Variants in RALY observed in about 807,000 individuals in gnomAD.
RALY encodes the protein RNA-binding protein Raly.
A neutral mutation model predicts 30.7 loss-of-function variants in RALY; 15 were observed. The ratio of observed to expected loss-of-function variants is 0.49; its 90% CI spans 0.33 to 0.75. The LOEUF is 0.75. Ranked by LOEUF, RALY falls within the 30% of genes least tolerant of loss-of-function variation. The pLI, the probability that RALY is intolerant of heterozygous loss-of-function variation, is 0.02. For missense variants in RALY, 339 were observed against 414.3 expected (o/e 0.82, Z 1.58); for synonymous variants, 177 against 170.8 (o/e 1.04, Z -0.28).
intron 2 of RALY, among the ~76,000 whole-genome samples, chr20:34,050,036 T>G (rs2123169244): frequency 6.6e-6 from 1 of 152,346 alleles, no homozygotes. Flanking sequence ...TAAGATCATG[T>G]GCGCCCGTGC....
At chr20:34,056,590 G>A (rs2284386) in intron 2 of RALY, among the ~76,000 whole-genome samples, 96,717 of 152,092 alleles carry the variant, frequency 0.64, 31,682 homozygotes, top group South Asian at 0.85. Context: ...AATCTTTTTA[G>A]CATGTTATTC....
chr20:34,029,659 T>TCTG (rs1434780285), intron 1 of RALY, among the ~76,000 whole-genome samples: 1 of 152,170 alleles, frequency 6.6e-6, no homozygotes, highest in Non-Finnish European at 1.5e-5. Context: ...TATGCCATTC[T>TCTG]CTGAATCATG....
intron 2 of RALY, among the ~76,000 whole-genome samples, chr20:34,054,200 C>T (rs986732885): frequency 9.9e-5 from 15 of 152,196 alleles, no homozygotes; most frequent in Non-Finnish European, 1.8e-4. Flanking sequence ...TACTGAAAAA[C>T]GCCCACCTAG....
rs1282114188 is a variant in RALY at position 34,081,736 on chromosome 20, A to C, written c.*1831A>C. 1 of 152,246 alleles carries C rather than the reference A, an allele frequency of 6.6e-6. No individual in the cohort carries two copies. Among genetic ancestry groups the C allele is most frequent in the Non-Finnish European group, 1.5e-5 (1 of 68,068 alleles). The allele number at this position is 152,246 out of a possible 1,614,324, so 9.4% of individuals were successfully genotyped here. A position where few individuals can be genotyped will look rare whatever the true frequency, so the allele number is the denominator to read the frequency against. On this transcript the variant is annotated 3_prime_UTR_variant, in exon 10 of 10. Coordinates refer to ENST00000246194, the MANE Select transcript of RALY (RefSeq NM_016732.3). Reference sequence around the variant, plus strand: ...GGGCAGGCGAGCACTCTGAGGCCCCAGTGTAGCTCTGTGCTTTGATATTCC... The same window carrying C: ...GGGCAGGCGAGCACTCTGAGGCCCCCGTGTAGCTCTGTGCTTTGATATTCC...
At chr20:34,079,645 A>ATTTT (rs1285998565) in intron 9 of RALY, among the ~76,000 whole-genome samples, 1 of 152,056 alleles carries the variant, frequency 6.6e-6, no homozygotes, top group African/African-American at 2.4e-5. Context: ...ATCCTGCTAC[A>ATTTT]CCCCTTTGTG....
chr20:34,055,453 G>T (rs575226305), intron 2 of RALY, among the ~76,000 whole-genome samples: 14 of 152,186 alleles, frequency 9.2e-5, no homozygotes, highest in Non-Finnish European at 2.1e-4. Context: ...GGAAGCAGGG[G>T]TGGGGCATGG....
intron 2 of RALY, among the ~76,000 whole-genome samples, chr20:34,065,787 C>T (rs868116352): frequency 6.6e-6 from 1 of 152,232 alleles, no homozygotes; most frequent in South Asian, 2.1e-4. Context: ...GAGCTGGCCA[C>T]AGGCTGCTGT....
intron 8 of RALY, 60 bp from the exon 9 acceptor site, chr20:34,078,445 G>A (rs2033955115): frequency 6.8e-7 from 1 of 1,468,070 alleles, no homozygotes; most frequent in African/African-American, 1.4e-5. Flanking sequence ...AAATGGCTCA[G>A]GGCAGGACTC....
chr20:34,047,926 C>T (rs375979596), intron 2 of RALY, among the ~76,000 whole-genome samples: 1 of 152,272 alleles, frequency 6.6e-6, no homozygotes, highest in East Asian at 1.9e-4. Context: ...CAGAAATACC[C>T]TGGACCCTTG....
chr20:34,067,969 T>C (rs1203737429), intron 2 of RALY, among the ~76,000 whole-genome samples: 1 of 152,154 alleles, frequency 6.6e-6, no homozygotes, highest in East Asian at 1.9e-4. Flanking sequence ...TGCTACTCAC[T>C]AGCTGTAGCA....
intron 3 of RALY, among the ~76,000 whole-genome samples, chr20:34,073,179 A>G (rs530300891): frequency 2.6e-5 from 4 of 152,028 alleles, no homozygotes; most frequent in African/African-American, 7.2e-5. Flanking sequence ...TTACCTGGAT[A>G]TGTGAATGTA....
chr20:34,075,343 C>T (rs1411229208), intron 5 of RALY, among the ~76,000 whole-genome samples: 1 of 152,068 alleles, frequency 6.6e-6, no homozygotes, highest in Non-Finnish European at 1.5e-5. Flanking sequence ...GTGTTTTTAA[C>T]CGAATTCTTT....
At chr20:34,060,574 C>A (rs1328384207) in intron 2 of RALY, among the ~76,000 whole-genome samples, 1 of 152,196 alleles carries the variant, frequency 6.6e-6, no homozygotes, top group East Asian at 1.9e-4. Flanking sequence ...CTATTTCCAT[C>A]TTACAGGTAA....
chr20:34,063,175 A>G (rs1456196868), intron 2 of RALY, among the ~76,000 whole-genome samples: 1 of 152,138 alleles, frequency 6.6e-6, no homozygotes, highest in East Asian at 1.9e-4. Context: ...TCACTATCTC[A>G]TAGCAGAAGG....
At position 34,055,615 on chromosome 20, in the gene RALY, GGA is replaced by G. The variant is rs1279232475; in HGVS notation, c.-9-16446_-9-16445del. ...CCAGGAATTCACAGTCAGTCTGGGA[GGA>G]GAGATGACACTGAAACAGAGTATTT... On this transcript the variant is annotated intron_variant, in intron 2 of 9. Coordinates refer to ENST00000246194, the MANE Select transcript of RALY (RefSeq NM_016732.3). Among the ~76,000 whole-genome samples, 108 of 152,308 alleles carry G rather than the reference GGA, an allele frequency of 7.1e-4. 1 individual carries two copies. The highest frequency in any genetic ancestry group is 2.3e-3 in the African/African-American group (94 of 41,566).
intron 2 of RALY, among the ~76,000 whole-genome samples, chr20:34,062,160 TG>T (rs2033436146): frequency 6.6e-6 from 1 of 152,218 alleles, no homozygotes; most frequent in South Asian, 2.1e-4. Context: ...TATTCATCTC[TG>T]GTTCCACAGC....
intron 2 of RALY, among the ~76,000 whole-genome samples, chr20:34,051,410 GT>G (rs1376199589): frequency 1.3e-5 from 2 of 152,096 alleles, no homozygotes. Flanking sequence ...TCTGAGCTCA[GT>G]TTCCTTCTCT....
intron 2 of RALY, among the ~76,000 whole-genome samples, chr20:34,042,098 A>G (rs2032721797): frequency 1.3e-5 from 2 of 152,158 alleles, no homozygotes; most frequent in South Asian, 4.1e-4. Context: ...CAGCCTGGGC[A>G]ACAGAGCGAG....
At chr20:34,037,665 C>T (rs1406766835) in intron 2 of RALY, among the ~76,000 whole-genome samples, 1 of 152,134 alleles carries the variant, frequency 6.6e-6, no homozygotes, top group African/African-American at 2.4e-5. Flanking sequence ...GTGTAAAGCA[C>T]ATTTCAGATA....
Sources: allele counts gnomAD v4.1 joint callset (sites outside exome capture counted in the v4.1 genomes callset), GRCh38; gene constraint gnomAD v4.1.1; transcripts MANE v1.5; gene names NCBI Gene and HGNC (gene_info 2026-07-23, HGNC 2026-07-21).